The following KCNQ1 variants were observed in gnomAD, a reference collection of about 807,000 sequenced individuals.
KCNQ1 encodes potassium voltage-gated channel subfamily Q member 1.
KCNQ1 carries 49 observed loss-of-function variants against 72.4 expected under a neutral mutation model. The ratio of observed to expected loss-of-function variants is 0.68; its 90% CI spans 0.54 to 0.86. The LOEUF (loss-of-function observed/expected upper bound fraction) is 0.86. Ranked by LOEUF, KCNQ1 falls within the 40% of genes least tolerant of loss-of-function variation. The pLI, the probability that KCNQ1 is intolerant of heterozygous loss-of-function variation, is 0.00. For missense variants in KCNQ1, 790 were observed against 945.1 expected, an observed-to-expected ratio of 0.84 and a Z score of 2.15; for synonymous variants, 450 against 412.6, an observed-to-expected ratio of 1.09 and a Z score of -1.10.
At position 2,652,013 on chromosome 11, in the gene KCNQ1, G is replaced by A. The variant is rs1322263466; in HGVS notation, c.1394-9948G>A. On this transcript the variant is annotated intron_variant, in intron 10 of 15. Coordinates refer to ENST00000155840, the MANE Select transcript of KCNQ1 (RefSeq NM_000218.3). This position sits in a 1 kb window ranked among gnomAD's most constrained non-coding sequence, Gnocchi z 5.9. ...CATCAGTTGTTAACATAATTTTGATGTTGAGCCTCCCCCCAGTTCTGGGGT... is the reference window on the plus strand; with the variant it reads ...CATCAGTTGTTAACATAATTTTGATATTGAGCCTCCCCCCAGTTCTGGGGT... 1 of 398,656 alleles carries A rather than the reference G, an allele frequency of 2.5e-6. No individual in the cohort carries two copies. The highest frequency in any genetic ancestry group is 4.4e-6 in the Non-Finnish European group (1 of 226,082). The allele number at this position is 398,656 out of a possible 1,614,324, so 24.7% of individuals were successfully genotyped here.
chr11:2,622,388 T>C (rs1849189056), intron 10 of KCNQ1: 2 of 398,388 alleles, frequency 5.0e-6, no homozygotes, highest in Non-Finnish European at 8.9e-6. Flanking sequence ...AGGTTACTAT[T>C]TGTATGAAAT....
rs1447912178 is a variant in KCNQ1, at chr11:2,477,164, G to A, written c.386+31680G>A. On this transcript the variant is annotated intron_variant, in intron 1 of 15. Transcript: ENST00000155840. This position sits in a 1 kb window ranked among gnomAD's most constrained non-coding sequence, Gnocchi z 5.0. Reference sequence around the variant, plus strand: ...CATCAGAACGTCCACAGCTGACGGTGAACACATTGGCAGGTGAGATATGTG... The same window carrying A: ...CATCAGAACGTCCACAGCTGACGGTAAACACATTGGCAGGTGAGATATGTG... Among the ~76,000 whole-genome samples, 1 of 152,230 alleles carries A rather than the reference G, an allele frequency of 6.6e-6. No individual in the cohort carries two copies. Among genetic ancestry groups the A allele is most frequent in the Non-Finnish European group, 1.5e-5 (1 of 68,044 alleles).
In KCNQ1 at chr11:2,711,900, CATGGCAG is replaced by C. The variant is rs528558894; in HGVS notation, c.1514+49820_1514+49826del. Among the ~76,000 whole-genome samples the C allele has an allele frequency of 3.3e-5, 5 of 152,258 alleles. No individual in the cohort carries two copies. The highest frequency in any genetic ancestry group is 2.1e-4 in the South Asian group (1 of 4,824). On this transcript the variant is annotated intron_variant, in intron 11 of 15. Transcript: ENST00000155840. The surrounding 1 kb of genome is among the most constrained non-coding windows in gnomAD (Gnocchi z 5.4). ...CTCACGGGAAAGGCTGGCCCTGAGG[CATGGCAG>C]GTGGCAGGTGGCTGGGGCTGCTCAC...
At chr11:2,722,472 A>T (rs1260846472) in intron 11 of KCNQ1, among the ~76,000 whole-genome samples, 2 of 152,056 alleles carry the variant, frequency 1.3e-5, no homozygotes, top group Non-Finnish European at 2.9e-5. Flanking sequence ...CACAAAGGAG[A>T]TCGGGAAGGT....
At chr11:2,688,151 A>T (rs1000702833) in intron 11 of KCNQ1, 1 of 398,642 alleles carries the variant, frequency 2.5e-6, no homozygotes, top group Admixed American at 4.4e-5. Context: ...GACCCCACGC[A>T]GCTCCCTAGG....
intron 12 of KCNQ1, among the ~76,000 whole-genome samples, chr11:2,775,433 C>A (rs1202967158): frequency 1.3e-5 from 2 of 152,242 alleles, no homozygotes; most frequent in African/African-American, 4.8e-5. Context: ...TGGGGCCACC[C>A]CTGCTGCCTG....
At position 2,668,644 on chromosome 11, in the gene KCNQ1, A is replaced by G. The variant is rs1376763107; in HGVS notation, c.1514+6563A>G. 1.3e-5 allele frequency: 5 copies of G among 398,462 alleles called. No individual in the cohort carries two copies. The highest frequency in any genetic ancestry group is 1.8e-5 in the Non-Finnish European group (4 of 226,070). 24.7% of individuals were successfully genotyped at this position (398,462 alleles called of 1,614,324 possible). A position where few individuals can be genotyped will look rare whatever the true frequency, so the allele number is the denominator to read the frequency against. On this transcript the variant is annotated intron_variant, in intron 11 of 15. Transcript: ENST00000155840. This position sits in a 1 kb window ranked among gnomAD's most constrained non-coding sequence, Gnocchi z 4.3. Reference sequence around the variant, plus strand: ...CTGTTTTATGTTTATTTATGGTCCTATATATCTTTAGATATTCTGGAGTCA... The same window carrying G: ...CTGTTTTATGTTTATTTATGGTCCTGTATATCTTTAGATATTCTGGAGTCA...
At position 2,748,530 on chromosome 11, in the gene KCNQ1, G is replaced by A. The variant is rs112479859; in HGVS notation, c.1515-20314G>A. Among the ~76,000 whole-genome samples the A allele has an allele frequency of 3.3e-5, 5 of 152,348 alleles. No individual in the cohort carries two copies. Among genetic ancestry groups the A allele is most frequent in the African/African-American group, 9.6e-5 (4 of 41,588 alleles). On this transcript the variant is annotated intron_variant, in intron 11 of 15. Coordinates refer to ENST00000155840, the MANE Select transcript of KCNQ1 (RefSeq NM_000218.3). The surrounding 1 kb of genome is among the most constrained non-coding windows in gnomAD (Gnocchi z 6.2). ...CCCGAGGGCCCAGCTGGGCGTCCAC[G>A]TGGAGGTGTGGGGCCCGGGTGGGAC... is the stretch of plus-strand genomic sequence containing the variant.
At chr11:2,646,118 TTTC>T (rs1294711995) in intron 10 of KCNQ1, 5 of 398,598 alleles carry the variant, frequency 1.3e-5, no homozygotes, top group Admixed American at 8.8e-5. Flanking sequence ...GCATTGGGTT[TTTC>T]TTATTACTTC....
chr11:2,714,391 G>T (rs1049087231), intron 11 of KCNQ1, among the ~76,000 whole-genome samples: 1 of 152,206 alleles, frequency 6.6e-6, no homozygotes, highest in South Asian at 2.1e-4. Flanking sequence ...TGGGGCTCCC[G>T]GGGTAGGGCT....
In KCNQ1 at chr11:2,790,810, C is replaced by T. The variant is rs115965400; in HGVS notation, c.1794+12773C>T. On this transcript the variant is annotated intron_variant, in intron 15 of 15. Coordinates refer to ENST00000155840, the MANE Select transcript of KCNQ1 (RefSeq NM_000218.3). The stretch of plus-strand genomic sequence containing the variant: ...GATGGCAGAGCTCAGAGGGTGTGAG[C>T]ATGAGGATGGCATCAGGGGTCTCTC... 4.4e-3 allele frequency among the ~76,000 whole-genome samples: 666 copies of T among 152,346 alleles called. 7 individuals carry two copies. Among genetic ancestry groups the T allele is most frequent in the African/African-American group, 0.015 (630 of 41,584 alleles).
At chr11:2,517,429 G>T (rs1416829420) in intron 1 of KCNQ1, among the ~76,000 whole-genome samples, 1 of 152,178 alleles carries the variant, frequency 6.6e-6, no homozygotes, top group Non-Finnish European at 1.5e-5. Flanking sequence ...CCTGGGACGG[G>T]TTGGATTTGG....
At chr11:2,693,092 TCTTTAAGAGTCATTTGCCCCAAGACTA>T in intron 11 of KCNQ1, 1 of 398,642 alleles carries the variant, frequency 2.5e-6, no homozygotes, top group Non-Finnish European at 4.4e-6. Flanking sequence ...GGCTCCTTAC[TCTTTAAGAGTCATTTGCCCCAAGACTA>T]CTTTCTGTCA....
At position 2,611,295 on chromosome 11, in the gene KCNQ1, C is replaced by T. The variant is rs1252728823; in HGVS notation, c.1393+22441C>T. 5.0e-6 allele frequency: 2 copies of T among 397,382 alleles called. No individual in the cohort carries two copies. The highest frequency in any genetic ancestry group is 2.1e-5 in the African/African-American group (1 of 48,584). The allele number at this position is 397,382 out of a possible 1,614,324, so 24.6% of individuals were successfully genotyped here. The stretch of plus-strand genomic sequence containing the variant: ...AGTGCAGTGGCGTGACCTTGGCTCA[C>T]TGCAACCTCTGCCTCCCGGATTCAA... On this transcript the variant is annotated intron_variant, in intron 10 of 15. Coordinates refer to ENST00000155840, the MANE Select transcript of KCNQ1 (RefSeq NM_000218.3). This position sits in a 1 kb window ranked among gnomAD's most constrained non-coding sequence, Gnocchi z 5.3.
At chr11:2,775,100 T>C (rs1846668078) in intron 12 of KCNQ1, among the ~76,000 whole-genome samples, 1 of 152,252 alleles carries the variant, frequency 6.6e-6, no homozygotes, top group Non-Finnish European at 1.5e-5. Flanking sequence ...AGGCAGTCTG[T>C]TGTCCTATGT....
rs2133835392 is a variant in KCNQ1 at position 2,645,458 on chromosome 11, G to T, written c.1394-16503G>T. 2.5e-6 allele frequency: 1 copy of T among 398,698 alleles called. No homozygotes were observed. The highest frequency in any genetic ancestry group is 4.4e-5 in the Admixed American group (1 of 22,736). 24.7% of individuals were successfully genotyped at this position (398,698 alleles called of 1,614,324 possible). On this transcript the variant is annotated intron_variant, in intron 10 of 15. Coordinates refer to ENST00000155840, the MANE Select transcript of KCNQ1 (RefSeq NM_000218.3). The surrounding 1 kb of genome is among the most constrained non-coding windows in gnomAD (Gnocchi z 5.8). Reference sequence around the variant, plus strand: ...TACTGACTGTGGTAGGCAGGCACAGGAAGATCCCTGTATACCCTGCTGAAT... The same window carrying T: ...TACTGACTGTGGTAGGCAGGCACAGTAAGATCCCTGTATACCCTGCTGAAT...
intron 1 of KCNQ1, chr11:2,461,846 A>G: frequency 1.8e-6 from 1 of 556,402 alleles, no homozygotes; most frequent in Non-Finnish European, 3.0e-6. Flanking sequence ...GGGTGGGTGG[A>G]GAGAGAAAGG....
intron 15 of KCNQ1, among the ~76,000 whole-genome samples, chr11:2,778,915 C>T (rs926244850): frequency 2.0e-5 from 3 of 152,124 alleles, no homozygotes; most frequent in Non-Finnish European, 4.4e-5. Flanking sequence ...TGCTCCTGCC[C>T]CACCCGTCCT....
chr11:2,774,063 TAGAAG>T (rs1846649900), intron 12 of KCNQ1, among the ~76,000 whole-genome samples: 2 of 149,922 alleles, frequency 1.3e-5, no homozygotes, highest in Non-Finnish European at 3.0e-5. Flanking sequence ...TCCCATTTCA[TAGAAG>T]AGAACTCAGT....
Sources: gnomAD v4.1 joint callset for allele counts (sites outside exome capture counted in the v4.1 genomes callset) on GRCh38, gnomAD v4.1.1 for gene constraint, Gnocchi (gnomAD v3.1) non-coding constraint, MANE v1.5 for transcripts, NCBI Gene and HGNC (gene_info 2026-07-23, HGNC 2026-07-21) for gene names.